The following FAM20A variants were observed in gnomAD, a reference collection of about 807,000 sequenced individuals.
FAM20A encodes the protein pseudokinase FAM20A.
A neutral mutation model predicts 52.0 loss-of-function variants in FAM20A; 42 were observed. The ratio of observed to expected loss-of-function variants is 0.81; its 90% confidence interval spans 0.63 to 1.04. The LOEUF is 1.04. Ranked by LOEUF, FAM20A falls within the 50% of genes least tolerant of loss-of-function variation. FAM20A has a pLI of 0.00. For missense variants in FAM20A, 742 were observed against 712.7 expected, an observed-to-expected ratio of 1.04 and a Z score of -0.47; for synonymous variants, 304 against 298.9, an observed-to-expected ratio of 1.02 and a Z score of -0.18.
chr17:68,572,391 CT>C (rs2087589224), intron 1 of FAM20A, among the ~76,000 whole-genome samples: 1 of 152,244 alleles, frequency 6.6e-6, no homozygotes, highest in South Asian at 2.1e-4. Context: ...TTGTTGAGCA[CT>C]TTCAGAGACA....
chr17:68,540,529 ACTTT>A (rs1052174681), intron 8 of FAM20A: 3 of 491,904 alleles, frequency 6.1e-6, no homozygotes, highest in African/African-American at 3.9e-5. Context: ...ATATTTGTGT[ACTTT>A]CTTCCCTTCC....
At chr17:68,576,400 C>T (rs1396197406) in intron 1 of FAM20A, among the ~76,000 whole-genome samples, 3 of 152,188 alleles carry the variant, frequency 2.0e-5, no homozygotes, top group Non-Finnish European at 2.9e-5. Flanking sequence ...AGGCACAGTG[C>T]AGTGATTTGG....
At chr17:68,555,534 C>G (rs775745660) in intron 2 of FAM20A, 25 bp downstream of exon 2, 43 of 1,611,778 alleles carry the variant, frequency 2.7e-5, no homozygotes, top group East Asian at 1.1e-4. Context: ...GTCAGTCCCC[C>G]CTTGCTTGAT....
At chr17:68,597,267 G>C (rs1264705054) in intron 1 of FAM20A, among the ~76,000 whole-genome samples, 1 of 151,784 alleles carries the variant, frequency 6.6e-6, no homozygotes, top group East Asian at 1.9e-4. Flanking sequence ...TTGTGGGCAA[G>C]TGGCGAAGAA....
At position 68,537,409 on chromosome 17, in the gene FAM20A, C is replaced by G; in HGVS notation, c.*68G>C. On this transcript the variant is annotated 3_prime_UTR_variant, in exon 11 of 11. Coordinates refer to ENST00000592554, the MANE Select transcript of FAM20A (RefSeq NM_017565.4). The surrounding 1 kb of genome is among the most constrained non-coding windows in gnomAD (Gnocchi z 4.2). Reference sequence around the variant, plus strand: ...GCAGTAACAGGTGGGAGTGAGGACGCAGGGTCGGCACTCGAGTCGACTGCT... The same window carrying G: ...GCAGTAACAGGTGGGAGTGAGGACGGAGGGTCGGCACTCGAGTCGACTGCT... The G allele has an allele frequency of 6.2e-7, 1 of 1,603,550 alleles. No homozygotes were observed.
At chr17:68,542,563 C>A (rs1388203161) in intron 6 of FAM20A, 131 bp downstream of exon 6, 14 of 761,900 alleles carry the variant, frequency 1.8e-5, no homozygotes, top group Non-Finnish European at 3.3e-5. Flanking sequence ...GAGTGTCTTA[C>A]AACTTCATAC....
chr17:68,556,757 A>G (rs1447234538), intron 1 of FAM20A, among the ~76,000 whole-genome samples: 1 of 152,108 alleles, frequency 6.6e-6, no homozygotes, highest in African/African-American at 2.4e-5. Context: ...GCAAATTAGT[A>G]TGATGTCATC....
At chr17:68,554,921 G>A in intron 2 of FAM20A, 94 bp from the exon 3 acceptor site, 3 of 1,315,256 alleles carry the variant, frequency 2.3e-6, no homozygotes, top group Non-Finnish European at 3.3e-6. Context: ...CAGATCACCA[G>A]AGGGGAGACT....
Position 68,600,932 on chromosome 17 carries a change from G to C in FAM20A, c.-266C>G, listed in dbSNP as rs929230669. On this transcript the variant is annotated 5_prime_UTR_variant, in exon 1 of 11. Coordinates refer to ENST00000592554, the MANE Select transcript of FAM20A (RefSeq NM_017565.4). This position sits in a 1 kb window ranked among gnomAD's most constrained non-coding sequence, Gnocchi z 6.2. ...GTGAGCCGAGGGAATGGGGTTCCCG[G>C]GGTGCCCGCTTCTTGCGCCTTTTCT... is the stretch of plus-strand genomic sequence containing the variant. 6 of 417,986 alleles carry C rather than the reference G, an allele frequency of 1.4e-5. No homozygotes were observed. Among genetic ancestry groups the C allele is most frequent in the Non-Finnish European group, 2.5e-5 (6 of 239,046 alleles). The allele number at this position is 417,986 out of a possible 1,614,324, so 25.9% of individuals were successfully genotyped here. A position where few individuals can be genotyped will look rare whatever the true frequency, so the allele number is the denominator to read the frequency against.
At chr17:68,555,985 C>T (rs1296515417) in intron 1 of FAM20A, among the ~76,000 whole-genome samples, 1 of 152,138 alleles carries the variant, frequency 6.6e-6, no homozygotes, top group African/African-American at 2.4e-5. Flanking sequence ...TATACAATAT[C>T]ATACACAAAT....
chr17:68,581,350 T>TTTTC (rs71144603), intron 1 of FAM20A, among the ~76,000 whole-genome samples: 12,711 of 92,128 alleles, frequency 0.14, 1,167 homozygotes, highest in South Asian at 0.16. Context: ...GAAATGCAGT[T>TTTTC]TTTCTTTCTT....
intron 10 of FAM20A, among the ~76,000 whole-genome samples, chr17:68,538,904 A>T (rs975170632): frequency 6.6e-6 from 1 of 152,156 alleles, no homozygotes; most frequent in Non-Finnish European, 1.5e-5. Context: ...AGTGATGGGG[A>T]TATGTTCTGA....
intron 1 of FAM20A, among the ~76,000 whole-genome samples, chr17:68,569,040 G>A (rs2087465022): frequency 6.6e-6 from 1 of 151,846 alleles, no homozygotes; most frequent in Non-Finnish European, 1.5e-5. Context: ...AGTCTACCTT[G>A]GTCCATCATT....
At chr17:68,598,923 A>G (rs2088533854) in intron 1 of FAM20A, among the ~76,000 whole-genome samples, 1 of 152,224 alleles carries the variant, frequency 6.6e-6, no homozygotes, top group African/African-American at 2.4e-5. Flanking sequence ...TATTGACGAA[A>G]TAAAGATAAT....
Position 68,600,229 on chromosome 17 carries a change from GC to G in FAM20A, c.404+33del. 6.5e-7 allele frequency: 1 copy of G among 1,547,400 alleles called. No individual in the cohort carries two copies. Among genetic ancestry groups the G allele is most frequent in the Non-Finnish European group, 8.7e-7 (1 of 1,146,044 alleles). On this transcript the variant is annotated intron_variant, in intron 1 of 10. Coordinates refer to ENST00000592554, the MANE Select transcript of FAM20A (RefSeq NM_017565.4). The surrounding 1 kb of genome is among the most constrained non-coding windows in gnomAD (Gnocchi z 6.2). Reference sequence around the variant, plus strand: ...GGCGCGGGGAGGCCCCGGCCAGAGCGCCCGCTCTCCCGCGTCCCGGGCGGGG... The same window carrying G: ...GGCGCGGGGAGGCCCCGGCCAGAGCGCCGCTCTCCCGCGTCCCGGGCGGGG...
chr17:68,573,330 A>G (rs1410048676), intron 1 of FAM20A, among the ~76,000 whole-genome samples: 1 of 152,258 alleles, frequency 6.6e-6, no homozygotes, highest in Non-Finnish European at 1.5e-5. Flanking sequence ...TAAATGAATT[A>G]AAGTTTATGT....
chr17:68,584,124 G>A (rs138052484), intron 1 of FAM20A, among the ~76,000 whole-genome samples: 73 of 152,036 alleles, frequency 4.8e-4, no homozygotes, highest in African/African-American at 1.6e-3. Context: ...TGAGACTAGC[G>A]TGACCAACAC....
intron 3 of FAM20A, among the ~76,000 whole-genome samples, chr17:68,552,850 T>C (rs1051213327): frequency 1.5e-5 from 2 of 137,626 alleles, no homozygotes; most frequent in African/African-American, 5.3e-5. Flanking sequence ...CCCGGCTAAT[T>C]TTTTGTATTT....
At chr17:68,548,314 G>A (rs534286387) in intron 4 of FAM20A, among the ~76,000 whole-genome samples, 94 of 152,280 alleles carry the variant, frequency 6.2e-4, no homozygotes, top group African/African-American at 2.2e-3. Context: ...CGGATCACCT[G>A]AGGTCGAGAG....
Sources: allele counts gnomAD v4.1 joint callset (sites outside exome capture counted in the v4.1 genomes callset), GRCh38; gene constraint gnomAD v4.1.1; non-coding constraint Gnocchi (gnomAD v3.1); transcripts MANE v1.5; gene names NCBI Gene and HGNC (gene_info 2026-07-23, HGNC 2026-07-21).